Variants in RNF212 observed in about 807,000 individuals in gnomAD.
The protein encoded by RNF212 is probable E3 SUMO-protein ligase RNF212.
RNF212 carries 33 observed loss-of-function variants against 34.7 expected under a neutral mutation model. The ratio of observed to expected loss-of-function variants is 0.95; its 90% CI spans 0.72 to 1.27. The LOEUF is 1.27. Ranked by LOEUF, RNF212 falls within the 50% of genes most tolerant of loss-of-function variation. The pLI, the probability that RNF212 is intolerant of heterozygous loss-of-function variation, is 0.00. For missense variants in RNF212, 377 were observed against 362.2 expected (o/e 1.04, Z -0.33); for synonymous variants, 140 against 136.1 (o/e 1.03, Z -0.20).
chr4:1,087,733 G>A (rs1721565326), intron 4 of RNF212, among the ~76,000 whole-genome samples: 1 of 151,580 alleles, frequency 6.6e-6, no homozygotes, highest in East Asian at 1.9e-4. Context: ...TCTGGGGGAG[G>A]TGATTGGATC....
downstream of RNF212, among the ~76,000 whole-genome samples, chr4:1,069,464 G>T (rs1032328873): frequency 3.9e-5 from 6 of 152,224 alleles, no homozygotes; most frequent in African/African-American, 1.4e-4. Flanking sequence ...CATTATGGGG[G>T]ACATAGTGGC....
intron 2 of RNF212, among the ~76,000 whole-genome samples, chr4:1,105,731 T>C (rs539473937): frequency 1.7e-4 from 19 of 114,976 alleles, no homozygotes; most frequent in African/African-American, 5.1e-4. Flanking sequence ...CATGCTGGCA[T>C]AATATAAAGC....
chr4:1,092,165 T>C (rs1294941610), intron 3 of RNF212, among the ~76,000 whole-genome samples: 1 of 152,200 alleles, frequency 6.6e-6, no homozygotes, highest in East Asian at 1.9e-4. Flanking sequence ...CACATGTTCG[T>C]GGAGGAACCT....
intron 2 of RNF212, 123 bp downstream of exon 2, chr4:1,108,220 T>C (rs1364150769): frequency 5.1e-6 from 3 of 583,344 alleles, no homozygotes; most frequent in Non-Finnish European, 9.0e-6. Flanking sequence ...TACTCAGATA[T>C]CTTTGTTAAC....
chr4:1,069,260 C>T (rs368279132), downstream of RNF212, among the ~76,000 whole-genome samples: 12 of 151,276 alleles, frequency 7.9e-5, no homozygotes, highest in African/African-American at 2.7e-4. Flanking sequence ...TTAGTGAATA[C>T]ATAGATACCT....
At chr4:1,106,109 C>T (rs1163243558) in intron 2 of RNF212, among the ~76,000 whole-genome samples, 1 of 152,172 alleles carries the variant, frequency 6.6e-6, no homozygotes, top group Non-Finnish European at 1.5e-5. Context: ...GAGGAAGCAG[C>T]AGCTCCTATA....
At chr4:1,094,159 C>T (rs1722673663) in intron 3 of RNF212, 1 of 1,091,204 alleles carries the variant, frequency 9.2e-7, no homozygotes, top group Non-Finnish European at 1.3e-6. Context: ...TGCCTCAGAT[C>T]CTGGCTGCCC....
At chr4:1,074,043 T>A (rs17795477) in intron 8 of RNF212, among the ~76,000 whole-genome samples, 1,572 of 152,304 alleles carry the variant, frequency 0.01, 27 homozygotes, top group Non-Finnish European at 0.014. Context: ...GAAATCCAGA[T>A]GCTGATGGAC....
Position 1,113,375 on chromosome 4 carries a change from G to A in RNF212, c.90C>T (p.Cys30=). ...CCTGACCTTTGCCGAGGCAGGCGTC[G>A]CAGTACACGTGCCCGCAGTTGGTGA... ...FSLTNCGHVY[C]DACLGKGKKN... The change falls in exon 1 of 10, where the codon TGC becomes TGT. Residue 30 remains cysteine (C), a synonymous_variant. Coordinates refer to ENST00000433731, the MANE Select transcript of RNF212 (RefSeq NM_001131034.4). The A allele has an allele frequency of 6.3e-7, 1 of 1,586,842 alleles. No individual in the cohort carries two copies. The highest frequency in any genetic ancestry group is 8.5e-7 in the Non-Finnish European group (1 of 1,169,972).
In RNF212 at chr4:1,104,935, C is replaced by A. The variant is rs188102146; in HGVS notation, c.171+3408G>T. 1.5e-3 allele frequency among the ~76,000 whole-genome samples: 226 copies of A among 152,210 alleles called. 2 individuals carry two copies. The highest frequency in any genetic ancestry group is 0.013 in the Admixed American group (201 of 15,298). On this transcript the variant is annotated intron_variant, in intron 2 of 9. Transcript: ENST00000433731. ...GTCATGAGGCATTTGAGGATGGGTGCTGGGGGCTCCTCCCCCAGGGAGAGC... is the reference window on the plus strand; with the variant it reads ...GTCATGAGGCATTTGAGGATGGGTGATGGGGGCTCCTCCCCCAGGGAGAGC...
chr4:1,085,281 G>T (rs1560121397), intron 5 of RNF212, among the ~76,000 whole-genome samples: 1 of 152,236 alleles, frequency 6.6e-6, no homozygotes, highest in East Asian at 1.9e-4. Context: ...CAGTAAAACT[G>T]TATTCAGAAC....
intron 5 of RNF212, among the ~76,000 whole-genome samples, chr4:1,084,780 C>T (rs999965869): frequency 1.3e-5 from 2 of 149,448 alleles, no homozygotes; most frequent in Non-Finnish European, 3.0e-5. Flanking sequence ...AGAGAATACA[C>T]TGCAGGCTGG....
At chr4:1,068,926 G>T (rs188933694), downstream of RNF212, among the ~76,000 whole-genome samples, 6 of 152,308 alleles carry the variant, frequency 3.9e-5, no homozygotes, top group African/African-American at 1.4e-4. Context: ...CTATGAATAT[G>T]GCTGGACGCA....
intron 2 of RNF212, among the ~76,000 whole-genome samples, chr4:1,106,731 C>T (rs1050641318): frequency 1.3e-5 from 2 of 152,160 alleles, no homozygotes; most frequent in Non-Finnish European, 2.9e-5. Context: ...GGGCTTAGTG[C>T]GAGGGTACCG....
At chr4:1,083,328 T>A (rs905310050) in intron 5 of RNF212, among the ~76,000 whole-genome samples, 1 of 152,142 alleles carries the variant, frequency 6.6e-6, no homozygotes, top group African/African-American at 2.4e-5. Flanking sequence ...CTCAAAATGT[T>A]AACTGTAATG....
intron 5 of RNF212, 172 bp downstream of exon 5, chr4:1,085,724 C>T: frequency 1.6e-6 from 1 of 625,124 alleles, no homozygotes; most frequent in Non-Finnish European, 2.9e-6. Context: ...TCCCTTCTTC[C>T]CTTCGGTTTT....
downstream of RNF212, among the ~76,000 whole-genome samples, chr4:1,068,454 C>T (rs981260942): frequency 2.0e-5 from 3 of 152,170 alleles, no homozygotes; most frequent in African/African-American, 4.8e-5. Flanking sequence ...TTGCTTTAAA[C>T]GAGTCTCATC....
chr4:1,113,333 G>C, intron 1 of RNF212, 23 bp downstream of exon 1: 2 of 1,186,936 alleles, frequency 1.7e-6, no homozygotes, highest in Non-Finnish European at 2.1e-6. Flanking sequence ...CCCCTCTCCA[G>C]CCTGCGTTCG....
chr4:1,103,762 A>G (rs1240534357), intron 2 of RNF212, among the ~76,000 whole-genome samples: 2 of 152,198 alleles, frequency 1.3e-5, no homozygotes, highest in Non-Finnish European at 2.9e-5. Context: ...CTTAGCAAAA[A>G]CTTGATGCAC....
Sources: gnomAD v4.1 joint callset for allele counts (sites outside exome capture counted in the v4.1 genomes callset) on GRCh38, gnomAD v4.1.1 for gene constraint, MANE v1.5 for transcripts, NCBI Gene and HGNC (gene_info 2026-07-23, HGNC 2026-07-21) for gene names.